TOX3: variants seen among roughly 807,000 people sequenced by gnomAD.
TOX3 encodes the protein TOX high mobility group box family member 3, also known as CAG trinucleotide repeat-containing gene F9 protein.
A neutral mutation model predicts 64.3 loss-of-function variants in TOX3; 22 were observed. The ratio of observed to expected loss-of-function variants is 0.34; its 90% CI spans 0.24 to 0.49. The LOEUF (loss-of-function observed/expected upper bound fraction) is 0.49. Ranked by LOEUF, TOX3 falls within the 20% of genes least tolerant of loss-of-function variation. The probability of loss-of-function intolerance (pLI) is 0.99; values close to 1 mark genes in which losing one functional copy is unlikely to be tolerated. For synonymous variants in TOX3, 291 were observed against 273.6 expected, an observed-to-expected ratio of 1.06 and a Z score of -0.63; for missense variants, 661 against 714.4, an observed-to-expected ratio of 0.93 and a Z score of 0.85.
At chr16:52,455,445 A>G (rs999781220) in intron 3 of TOX3, among the ~76,000 whole-genome samples, 5 of 152,174 alleles carry the variant, frequency 3.3e-5, no homozygotes, top group Non-Finnish European at 7.3e-5. Context: ...CTTCATTTGC[A>G]AATTACTGTA....
At chr16:52,471,155 A>G (rs1016353264) in intron 1 of TOX3, among the ~76,000 whole-genome samples, 1 of 152,200 alleles carries the variant, frequency 6.6e-6, no homozygotes, top group East Asian at 1.9e-4. Flanking sequence ...TATACTTATA[A>G]TAAAAGAACT....
At chr16:52,501,171 A>G (rs1190673242) in intron 1 of TOX3, among the ~76,000 whole-genome samples, 1 of 152,224 alleles carries the variant, frequency 6.6e-6, no homozygotes, top group Non-Finnish European at 1.5e-5. Flanking sequence ...GACTTTGGCC[A>G]AGCCTACATG....
chr16:52,543,221 T>C (rs1030935622), intron 1 of TOX3, among the ~76,000 whole-genome samples: 3 of 152,204 alleles, frequency 2.0e-5, no homozygotes, highest in Admixed American at 1.3e-4. Context: ...GTATCCCTTA[T>C]CTGAAATGCT....
At chr16:52,535,903 G>A (rs1962935131) in intron 1 of TOX3, among the ~76,000 whole-genome samples, 1 of 152,154 alleles carries the variant, frequency 6.6e-6, no homozygotes, top group Non-Finnish European at 1.5e-5. Context: ...TTCTAATAGG[G>A]ATCATCACAA....
intron 4 of TOX3, among the ~76,000 whole-genome samples, chr16:52,446,937 C>T (rs1960180552): frequency 6.6e-6 from 1 of 152,130 alleles, no homozygotes; most frequent in Non-Finnish European, 1.5e-5. Context: ...ATAGTTGATA[C>T]TTAAAAATCA....
In TOX3 at chr16:52,439,117, T is replaced by C. The variant is rs1298271027; in HGVS notation, c.*108A>G. On this transcript the variant is annotated 3_prime_UTR_variant, in exon 7 of 7. Transcript: ENST00000219746. ...CACTTGAGAGGACCGTTTGATCTGTTACACATTTCTGCATAACCAACACCA... is the reference window on the plus strand; with the variant it reads ...CACTTGAGAGGACCGTTTGATCTGTCACACATTTCTGCATAACCAACACCA... 10 of 1,513,542 alleles carry C rather than the reference T, an allele frequency of 6.6e-6. No individual in the cohort carries two copies. Among genetic ancestry groups the C allele is most frequent in the African/African-American group, 1.4e-5 (1 of 73,102 alleles). The allele number at this position is 1,513,542 out of a possible 1,614,324, so 93.8% of individuals were successfully genotyped here.
chr16:52,476,442 T>C (rs1295519754), intron 1 of TOX3, among the ~76,000 whole-genome samples: 1 of 152,052 alleles, frequency 6.6e-6, no homozygotes, highest in Non-Finnish European at 1.5e-5. Context: ...TAAGTAGAAG[T>C]GGATACTAAG....
chr16:52,483,657 C>T (rs796507374), intron 1 of TOX3, among the ~76,000 whole-genome samples: 9 of 147,536 alleles, frequency 6.1e-5, no homozygotes, highest in African/African-American at 2.2e-4. Context: ...CAACCTCTGC[C>T]TCCTGGGTTC....
intron 1 of TOX3, among the ~76,000 whole-genome samples, chr16:52,527,875 G>A (rs1023324182): frequency 3.9e-5 from 6 of 152,142 alleles, no homozygotes; most frequent in Admixed American, 6.5e-5. Flanking sequence ...ACCAGGGGAC[G>A]TTCGGCAATA....
At chr16:52,445,829 A>G (rs1960145874) in intron 5 of TOX3, 165 bp downstream of exon 5, 1 of 653,438 alleles carries the variant, frequency 1.5e-6, no homozygotes, top group Admixed American at 3.0e-5. Flanking sequence ...ATAACTGGAG[A>G]GTTGTTTAGA....
chr16:52,469,881 G>A (rs570052619), intron 1 of TOX3, among the ~76,000 whole-genome samples: 1 of 152,102 alleles, frequency 6.6e-6, no homozygotes, highest in South Asian at 2.1e-4. Context: ...AGGGATCCAA[G>A]AACTAAGCAG....
intron 1 of TOX3, among the ~76,000 whole-genome samples, chr16:52,497,705 C>A (rs1961885484): frequency 6.6e-6 from 1 of 152,060 alleles, no homozygotes; most frequent in Non-Finnish European, 1.5e-5. Context: ...AAAATAATAG[C>A]CCAATGTTCA....
chr16:52,467,697 GGAAACCAT>G (rs1960909776), intron 2 of TOX3, among the ~76,000 whole-genome samples: 1 of 152,082 alleles, frequency 6.6e-6, no homozygotes, highest in Admixed American at 6.6e-5. Flanking sequence ...ACCATTTTTA[GGAAACCAT>G]GTTTTATCTA....
At chr16:52,453,926 A>G (rs919721104) in intron 3 of TOX3, among the ~76,000 whole-genome samples, 2 of 152,224 alleles carry the variant, frequency 1.3e-5, no homozygotes, top group Non-Finnish European at 2.9e-5. Flanking sequence ...GTTTATTACT[A>G]TGAGCCAGCA....
At chr16:52,493,829 T>C (rs1961766534) in intron 1 of TOX3, among the ~76,000 whole-genome samples, 1 of 152,274 alleles carries the variant, frequency 6.6e-6, no homozygotes, top group South Asian at 2.1e-4. Context: ...AAGCACATAA[T>C]TACCCAGACA....
chr16:52,486,239 G>A (rs1364590292), intron 1 of TOX3, among the ~76,000 whole-genome samples: 1 of 152,084 alleles, frequency 6.6e-6, no homozygotes, highest in Non-Finnish European at 1.5e-5. Context: ...ACCAAGACAC[G>A]GATCCCAAAA....
chr16:52,492,228 TTA>T (rs1172061442), intron 1 of TOX3, among the ~76,000 whole-genome samples: 2 of 147,052 alleles, frequency 1.4e-5, no homozygotes, highest in Admixed American at 6.8e-5. Flanking sequence ...ATATTATATA[TTA>T]TATATATTTA....
rs1961148990 is a variant in TOX3 at position 52,474,483 on chromosome 16, G to A, written c.88-5909C>T. On this transcript the variant is annotated intron_variant, in intron 1 of 6. Coordinates refer to ENST00000219746, the MANE Select transcript of TOX3 (RefSeq NM_001080430.4). ...CTAAAAAAAAAATTATAGGCATGTTGGCACATGCCTGTAGTTTCAGCTACA... is the reference window on the plus strand; with the variant it reads ...CTAAAAAAAAAATTATAGGCATGTTAGCACATGCCTGTAGTTTCAGCTACA... Among the ~76,000 whole-genome samples the A allele has an allele frequency of 2.0e-5, 3 of 152,054 alleles. No individual in the cohort carries two copies. The South Asian group carries it at 6.2e-4, about 32-fold the overall frequency.
chr16:52,450,562 C>G lies in TOX3; in HGVS notation c.409-16G>C. On this transcript the variant is annotated splice_polypyrimidine_tract_variant and intron_variant, in intron 3 of 6. Transcript: ENST00000219746. ...GGCTCTGATCCTAGAAAGGCAGCAA[C>G]AAAGGGGGAAAATATTTCAGCTTTT... 4 of 1,613,140 alleles carry G rather than the reference C, an allele frequency of 2.5e-6. No individual in the cohort carries two copies. The highest frequency in any genetic ancestry group is 3.4e-6 in the Non-Finnish European group (4 of 1,179,302).
Sources: gnomAD v4.1 joint callset for allele counts (sites outside exome capture counted in the v4.1 genomes callset) on GRCh38, gnomAD v4.1.1 for gene constraint, MANE v1.5 for transcripts, NCBI Gene and HGNC (gene_info 2026-07-23, HGNC 2026-07-21) for gene names.